MCHR2: variants seen among roughly 807,000 people sequenced by gnomAD.
The protein encoded by MCHR2 is melanin concentrating hormone receptor 2, also known as melanin-concentrating hormone receptor 2.
MCHR2 carries 15 observed loss-of-function variants against 24.8 expected under a neutral mutation model. That is an observed-to-expected ratio of 0.60 (90% CI 0.40 to 0.93). MCHR2 has a LOEUF of 0.93. Among genes scored for constraint, MCHR2 ranks in the 40% least tolerant of loss-of-function variants. The pLI, the probability that MCHR2 is intolerant of heterozygous loss-of-function variation, is 0.00. For synonymous variants in MCHR2, 151 were observed against 147.6 expected, an observed-to-expected ratio of 1.02 and a Z score of -0.17; for missense variants, 386 against 408.7, an observed-to-expected ratio of 0.94 and a Z score of 0.48.
At chr6:99,991,538 G>A (rs1775875278) in intron 1 of MCHR2, among the ~76,000 whole-genome samples, 1 of 152,236 alleles carries the variant, frequency 6.6e-6, no homozygotes, top group African/African-American at 2.4e-5. Context: ...GGGGCGCGGT[G>A]GCTCACGCCT....
intron 3 of MCHR2, among the ~76,000 whole-genome samples, chr6:99,947,107 A>G (rs568219688): frequency 6.6e-6 from 1 of 152,246 alleles, no homozygotes; most frequent in South Asian, 2.1e-4. Flanking sequence ...GCTTACATGG[A>G]TGGTGAAAAG....
At chr6:99,929,684 T>C (rs1171964168) in intron 5 of MCHR2, among the ~76,000 whole-genome samples, 1 of 152,140 alleles carries the variant, frequency 6.6e-6, no homozygotes, top group African/African-American at 2.4e-5. Flanking sequence ...TGTTTTCCAT[T>C]TGCTTGGTAG....
At chr6:99,935,970 T>C (rs1354129054) in intron 4 of MCHR2, among the ~76,000 whole-genome samples, 1 of 152,022 alleles carries the variant, frequency 6.6e-6, no homozygotes, top group Non-Finnish European at 1.5e-5. Context: ...ACTTTTTATG[T>C]ACCCATTGGC....
intron 1 of MCHR2, among the ~76,000 whole-genome samples, chr6:99,972,419 A>AT (rs1245220413): frequency 6.6e-6 from 1 of 151,988 alleles, no homozygotes; most frequent in African/African-American, 2.4e-5. Context: ...CCCCTTTATC[A>AT]TTTTTTATTG....
chr6:99,972,548 G>T (rs561675016), intron 1 of MCHR2, among the ~76,000 whole-genome samples: 2,881 of 151,730 alleles, frequency 0.019, 33 homozygotes, highest in Middle Eastern at 0.085. Context: ...GGGTTTTTTG[G>T]GTCTCTATTT....
At chr6:99,986,842 AGT>A (rs1299601071) in intron 1 of MCHR2, among the ~76,000 whole-genome samples, 20 of 150,566 alleles carry the variant, frequency 1.3e-4, no homozygotes, top group Non-Finnish European at 3.0e-4. Context: ...TGGACCCCTA[AGT>A]ATATAATATA....
At chr6:99,925,377 G>C (rs1774329081) in intron 5 of MCHR2, among the ~76,000 whole-genome samples, 1 of 151,886 alleles carries the variant, frequency 6.6e-6, no homozygotes, top group African/African-American at 2.4e-5. Context: ...TGATTGAAGA[G>C]TTTAGTCCAT....
intron 1 of MCHR2, among the ~76,000 whole-genome samples, chr6:99,974,379 C>G (rs367821767): frequency 1.3e-5 from 2 of 152,200 alleles, no homozygotes; most frequent in Non-Finnish European, 2.9e-5. Context: ...GCATTGTTCA[C>G]GTAGTTCTCA....
At chr6:99,940,076 G>A (rs1361856281) in intron 4 of MCHR2, among the ~76,000 whole-genome samples, 1 of 151,546 alleles carries the variant, frequency 6.6e-6, no homozygotes, top group Non-Finnish European at 1.5e-5. Flanking sequence ...TCTTTTTGGG[G>A]TTGATTTTGT....
chr6:99,970,629 C>T (rs972957759), intron 1 of MCHR2, among the ~76,000 whole-genome samples: 11 of 152,248 alleles, frequency 7.2e-5, no homozygotes, highest in African/African-American at 2.6e-4. Flanking sequence ...GACATGAAGT[C>T]CTTGCCCATG....
intron 5 of MCHR2, among the ~76,000 whole-genome samples, chr6:99,928,171 A>T (rs1424775434): frequency 5.3e-5 from 8 of 152,348 alleles, no homozygotes; most frequent in Non-Finnish European, 2.9e-5. Context: ...CCAGCCTTGC[A>T]TCCCAGGGAT....
chr6:99,946,785 G>A (rs1169632919), intron 3 of MCHR2, among the ~76,000 whole-genome samples: 3 of 152,174 alleles, frequency 2.0e-5, no homozygotes, highest in East Asian at 1.9e-4. Flanking sequence ...CTAGGGTTGG[G>A]TTGGGAAGAA....
chr6:99,991,808 CAAAA>C (rs3038469), intron 1 of MCHR2, among the ~76,000 whole-genome samples: 6 of 82,058 alleles, frequency 7.3e-5, no homozygotes, highest in African/African-American at 1.9e-4. Flanking sequence ...GACTCCGTCT[CAAAA>C]AAAAAAAAAA....
At chr6:99,970,627 G>T (rs962960027) in intron 1 of MCHR2, among the ~76,000 whole-genome samples, 4 of 152,150 alleles carry the variant, frequency 2.6e-5, no homozygotes, top group South Asian at 2.1e-4. Context: ...TAGACATGAA[G>T]TCCTTGCCCA....
chr6:99,941,669 T>C (rs549733591), intron 4 of MCHR2, among the ~76,000 whole-genome samples: 34 of 152,304 alleles, frequency 2.2e-4, no homozygotes, highest in Non-Finnish European at 3.8e-4. Context: ...AATGAGAAGT[T>C]GGCAGACTGC....
chr6:99,958,286 G>A (rs1582392882), intron 1 of MCHR2, among the ~76,000 whole-genome samples: 1 of 151,162 alleles, frequency 6.6e-6, no homozygotes. Flanking sequence ...TGTCTAAATG[G>A]AAAAACCAAT....
At chr6:99,986,475 G>A (rs532122393) in intron 1 of MCHR2, among the ~76,000 whole-genome samples, 194 of 152,220 alleles carry the variant, frequency 1.3e-3, no homozygotes, top group Non-Finnish European at 2.4e-3. Context: ...GTATACTATG[G>A]AATCCTACTC....
At chr6:99,921,638 T>G (rs1179423169) in intron 5 of MCHR2, among the ~76,000 whole-genome samples, 1 of 152,214 alleles carries the variant, frequency 6.6e-6, no homozygotes, top group African/African-American at 2.4e-5. Context: ...CCAATTATAC[T>G]CTTTTAGTTA....
At chr6:99,944,608 A>G (rs1024267939) in intron 3 of MCHR2, among the ~76,000 whole-genome samples, 1 of 152,098 alleles carries the variant, frequency 6.6e-6, no homozygotes, top group Non-Finnish European at 1.5e-5. Flanking sequence ...CACACTGCAC[A>G]TGCATTCCCC....
Sources: allele counts gnomAD v4.1 joint callset (sites outside exome capture counted in the v4.1 genomes callset), GRCh38; gene constraint gnomAD v4.1.1; transcripts MANE v1.5; gene names NCBI Gene and HGNC (gene_info 2026-07-23, HGNC 2026-07-21).